The following RINT1 variants were observed in gnomAD, a reference collection of about 807,000 sequenced individuals.
RINT1 encodes the protein RAD50-interacting protein 1.
A neutral mutation model predicts 97.7 loss-of-function variants in RINT1; 75 were observed. The ratio of observed to expected loss-of-function variants is 0.77; its 90% CI spans 0.64 to 0.93. The LOEUF (loss-of-function observed/expected upper bound fraction) is 0.93. RINT1 is among the 40% of genes least tolerant of loss of function. The pLI, the probability that RINT1 is intolerant of heterozygous loss-of-function variation, is 0.00. For synonymous variants in RINT1, 303 were observed against 326.3 expected (o/e 0.93, Z 0.77); for missense variants, 892 against 925.2 (o/e 0.96, Z 0.47).
Position 105,550,277 on chromosome 7 carries a change from G to C in RINT1, c.1124G>C (p.Gly375Ala), listed in dbSNP as rs757929342. The change falls in exon 9 of 15, where the codon GGC becomes GCC. Residue 375 changes from glycine (G) to alanine (A), a missense_variant. Coordinates refer to ENST00000257700, the MANE Select transcript of RINT1 (RefSeq NM_021930.6). ...TTTTTTTAGCTTGAATTTTCTCGGG[G>C]CCTTATGATGCTGGTTCTTGAGAAG... is the stretch of plus-strand genomic sequence containing the variant. ...LVNARLEFSRGLMMLVLEKLA... is the reference protein window; with the variant it reads ...LVNARLEFSRALMMLVLEKLA... The C allele has an allele frequency of 2.5e-6, 4 of 1,613,816 alleles. No individual in the cohort carries two copies. In the Admixed American group the frequency reaches 5.0e-5, roughly 20 times the overall value.
In RINT1 at chr7:105,551,611, G is replaced by A. The variant is rs369613549; in HGVS notation, c.1375G>A (p.Ala459Thr). The stretch of plus-strand genomic sequence containing the variant: ...GGACTCAATGCTTTCCTCAGAAGCT[G>A]CCTGGGTATCGCAATATAAGGATAT... The part of the protein sequence containing the change: ...KMDSMLSSEA[A>T]WVSQYKDITD... The change falls in exon 10 of 15, where the codon GCC becomes ACC. Residue 459 changes from alanine (A) to threonine (T), a missense_variant. Coordinates refer to ENST00000257700, the MANE Select transcript of RINT1 (RefSeq NM_021930.6). 1.9e-6 allele frequency: 3 copies of A among 1,609,894 alleles called. No homozygotes were observed. Among genetic ancestry groups the A allele is most frequent in the Non-Finnish European group, 2.5e-6 (3 of 1,177,906 alleles).
chr7:105,556,292 C>T (rs1250567719), intron 11 of RINT1, among the ~76,000 whole-genome samples: 1 of 151,886 alleles, frequency 6.6e-6, no homozygotes, highest in Non-Finnish European at 1.5e-5. Flanking sequence ...GTCTCAAACT[C>T]CTGACCTCAG....
At position 105,558,306 on chromosome 7, in the gene RINT1, A is replaced by AAT. The variant is rs1554365581; in HGVS notation, c.1671+3080_1671+3081insTA. 1.3e-3 allele frequency among the ~76,000 whole-genome samples: 197 copies of AAT among 151,376 alleles called. 1 individual carries two copies. The highest frequency in any genetic ancestry group is 4.0e-3 in the South Asian group (19 of 4,782). ...GCAAAACAGTCTCAAAAAAAAAAAAAAAATAAAGTCAGCTAATTAGCATAC... is the reference window on the plus strand; with the variant it reads ...GCAAAACAGTCTCAAAAAAAAAAAAAATAAATAAAGTCAGCTAATTAGCATAC... On this transcript the variant is annotated intron_variant, in intron 11 of 14. Transcript: ENST00000257700.
At chr7:105,555,273 CTATTT>C in intron 11 of RINT1, 46 bp downstream of exon 11, 1 of 1,461,636 alleles carries the variant, frequency 6.8e-7, no homozygotes, top group Non-Finnish European at 9.4e-7. Flanking sequence ...CTAGTTCGAA[CTATTT>C]TATTAATACT....
At chr7:105,533,017 A>T (rs1358568543) in intron 2 of RINT1, 148 bp downstream of exon 2, 3 of 733,522 alleles carry the variant, frequency 4.1e-6, no homozygotes, top group African/African-American at 3.6e-5. Flanking sequence ...GATGACCATG[A>T]TACACATATT....
chr7:105,542,171 G>C, intron 3 of RINT1: 1 of 290,446 alleles, frequency 3.4e-6, no homozygotes, highest in Non-Finnish European at 6.2e-6. Context: ...TCTATTTAAA[G>C]AAAAAAAAAA....
At chr7:105,547,969 C>T (rs1790749087) in intron 6 of RINT1, among the ~76,000 whole-genome samples, 1 of 151,830 alleles carries the variant, frequency 6.6e-6, no homozygotes, top group African/African-American at 2.4e-5. Flanking sequence ...TCAGGTGATC[C>T]ACCCGCCTCA....
intron 3 of RINT1, chr7:105,541,885 G>C (rs946798534): frequency 1.3e-5 from 2 of 152,334 alleles, no homozygotes; most frequent in Non-Finnish European, 2.9e-5. Flanking sequence ...CTACATGTAT[G>C]TGTATATGTA....
intron 12 of RINT1, among the ~76,000 whole-genome samples, chr7:105,564,459 T>G (rs1332851970): frequency 6.6e-6 from 1 of 152,158 alleles, no homozygotes; most frequent in Non-Finnish European, 1.5e-5. Flanking sequence ...GTGTGTGATC[T>G]GGGGTTGAAT....
At chr7:105,544,635 A>T (rs929344270) in intron 4 of RINT1, among the ~76,000 whole-genome samples, 2 of 151,906 alleles carry the variant, frequency 1.3e-5, no homozygotes, top group Admixed American at 6.6e-5. Context: ...GGGTTTCACT[A>T]TGTTGGCTAG....
In RINT1 at chr7:105,538,541, A is replaced by G. The variant is rs117978842; in HGVS notation, c.273+1792A>G. 2.2e-3 allele frequency among the ~76,000 whole-genome samples: 337 copies of G among 152,228 alleles called. 3 individuals carry two copies. Among genetic ancestry groups the G allele is most frequent in the Non-Finnish European group, 3.7e-3 (251 of 68,020 alleles). ...CATGCAGCTGAGTAGATTGATGCCA[A>G]TCTATGTGTGTGGTCTGCCACCCTG... On this transcript the variant is annotated intron_variant, in intron 3 of 14. Coordinates refer to ENST00000257700, the MANE Select transcript of RINT1 (RefSeq NM_021930.6).
rs869312982 is a variant in RINT1 at position 105,551,683 on chromosome 7, A to G, written c.1447A>G (p.Met483Val). 1.2e-6 allele frequency: 2 copies of G among 1,610,494 alleles called. No homozygotes were observed. The highest frequency in any genetic ancestry group is 1.3e-5 in the African/African-American group (1 of 74,788). Residue 483 changes from methionine to valine, a missense_variant, in exon 10 of 15, where the codon ATG becomes GTG. By Grantham distance (21) the Met-to-Val change is conservative (BLOSUM62 1). Transcript: ENST00000257700. ...MKVPDCAETFMTLLLVITDRY... is the reference protein window; with the variant it reads ...MKVPDCAETFVTLLLVITDRY... ...AGTTCCAGATTGTGCAGAAACTTTT[A>G]TGACTCTACTCTTGGTTATAACTGG...
At chr7:105,557,018 T>C (rs1383134242) in intron 11 of RINT1, among the ~76,000 whole-genome samples, 1 of 152,206 alleles carries the variant, frequency 6.6e-6, no homozygotes, top group African/African-American at 2.4e-5. Flanking sequence ...CAAAATCAAC[T>C]TAGGTTTATA....
intron 2 of RINT1, 84 bp downstream of exon 2, chr7:105,532,953 C>T: frequency 1.5e-6 from 2 of 1,291,374 alleles, no homozygotes; most frequent in Non-Finnish European, 1.1e-6. Flanking sequence ...GGTTCTTTGC[C>T]TATCTTTTAG....
chr7:105,566,028 G>A (rs959134325), intron 14 of RINT1, among the ~76,000 whole-genome samples: 1 of 152,102 alleles, frequency 6.6e-6, no homozygotes, highest in African/African-American at 2.4e-5. Flanking sequence ...CCAACACTTC[G>A]GGAGGCTGAG....
At chr7:105,556,233 A>AT (rs755166074) in intron 11 of RINT1, among the ~76,000 whole-genome samples, 31 of 148,448 alleles carry the variant, frequency 2.1e-4, no homozygotes, top group African/African-American at 3.2e-4. Context: ...TGCCTGGCTA[A>AT]TTTTTTTTTT....
At position 105,567,253 on chromosome 7, in the gene RINT1, A is replaced by G. The variant is rs1479143379; in HGVS notation, c.2321A>G (p.Gln774Arg). The change falls in exon 15 of 15, where the codon CAA becomes CGA. Residue 774 changes from glutamine to arginine, a missense_variant. Gln to Arg is a conservative substitution (Grantham distance 43, BLOSUM62 1). Transcript: ENST00000257700. ...LNEVGIYKLA[Q>R]QDVEILLNLR... The stretch of plus-strand genomic sequence containing the variant: ...GAAGTTGGAATTTACAAACTGGCTC[A>G]ACAAGATGTTGAGATTCTACTTAAT... 1 of 1,613,026 alleles carries G rather than the reference A, an allele frequency of 6.2e-7. No individual in the cohort carries two copies. The highest frequency in any genetic ancestry group is 8.5e-7 in the Non-Finnish European group (1 of 1,179,766).
chr7:105,567,013 C>T, intron 14 of RINT1, 106 bp from the exon 15 acceptor site: 1 of 567,988 alleles, frequency 1.8e-6, no homozygotes, highest in Non-Finnish European at 2.9e-6. Context: ...TTATAGAGAA[C>T]ATGTGGACCA....
intron 11 of RINT1, among the ~76,000 whole-genome samples, chr7:105,555,944 T>G (rs1455326860): frequency 6.6e-6 from 1 of 152,182 alleles, no homozygotes; most frequent in Non-Finnish European, 1.5e-5. Context: ...TGCAACATAG[T>G]GAGACCCTGT....
Sources: allele counts gnomAD v4.1 joint callset (sites outside exome capture counted in the v4.1 genomes callset), GRCh38; gene constraint gnomAD v4.1.1; transcripts MANE v1.5; gene names NCBI Gene and HGNC (gene_info 2026-07-23, HGNC 2026-07-21).